The following MFAP3 variants were observed in gnomAD, a reference collection of about 807,000 sequenced individuals.
MFAP3 encodes microfibril associated protein 3.
Under a neutral mutation model 20.5 loss-of-function variants are expected in MFAP3, and 8 were observed. That is an observed-to-expected ratio of 0.39 (90% CI 0.23 to 0.70). The LOEUF (loss-of-function observed/expected upper bound fraction) is 0.70, where lower values mean the gene tolerates loss of function less well. MFAP3 is among the 30% of genes least tolerant of loss of function. MFAP3 has a pLI of 0.44. For synonymous variants in MFAP3, 140 were observed against 154.0 expected, an observed-to-expected ratio of 0.91 and a Z score of 0.67; for missense variants, 398 against 444.6, an observed-to-expected ratio of 0.90 and a Z score of 0.94.
intron 1 of MFAP3, among the ~76,000 whole-genome samples, chr5:154,045,013 CTT>C (rs1230996584): frequency 6.6e-6 from 1 of 151,564 alleles, no homozygotes; most frequent in Non-Finnish European, 1.5e-5. Flanking sequence ...ATGAGTCTCT[CTT>C]TGTCTTTCTC....
At chr5:154,046,442 T>C (rs1260529233) in intron 1 of MFAP3, among the ~76,000 whole-genome samples, 3 of 152,166 alleles carry the variant, frequency 2.0e-5, no homozygotes, top group Admixed American at 6.5e-5. Context: ...ATAAAAAATA[T>C]AGGCCTTGTT....
chr5:154,049,967 A>C lies in MFAP3; in HGVS notation c.245A>C (p.Asp82Ala). 2.5e-6 allele frequency: 4 copies of C among 1,613,276 alleles called. No homozygotes were observed. Among genetic ancestry groups the C allele is most frequent in the Non-Finnish European group, 3.4e-6 (4 of 1,179,314 alleles). ...CTTCTCACAGCCAGTCACTATGAAG[A>C]TGTCCATTGGCACAATTCAAAAGGA... Reference protein sequence around the residue: ...ECLLTASHYEDVHWHNSKGQQ... With the variant: ...ECLLTASHYEAVHWHNSKGQQ... The change falls in exon 2 of 3, where the codon GAT (aspartate) becomes GCT (alanine). Residue 82 changes from aspartate to alanine, a missense_variant. Transcript: ENST00000522782.
At position 154,055,372 on chromosome 5, in the gene MFAP3, C is replaced by G. The variant is rs1160766088; in HGVS notation, c.*1659C>G. On this transcript the variant is annotated 3_prime_UTR_variant, in exon 3 of 3. Transcript: ENST00000522782. ...TCTGCTCTGAATAGCATGAATGAATCAATGTGCAGTTTTATCAGATGGCAT... is the reference window on the plus strand; with the variant it reads ...TCTGCTCTGAATAGCATGAATGAATGAATGTGCAGTTTTATCAGATGGCAT... Among the ~76,000 whole-genome samples the G allele has an allele frequency of 6.6e-6, 1 of 152,154 alleles. No homozygotes were observed. The highest frequency in any genetic ancestry group is 1.5e-5 in the Non-Finnish European group (1 of 68,018).
In MFAP3 at chr5:154,054,687, C is replaced by T. The variant is rs1394395397; in HGVS notation, c.*974C>T. ...ATAGGTTCTATATTTGGGATCTCAT[C>T]CTAGGAGAAAACCCAAAACTGGATT... On this transcript the variant is annotated 3_prime_UTR_variant, in exon 3 of 3. Coordinates refer to ENST00000522782, the MANE Select transcript of MFAP3 (RefSeq NM_005927.5). 6.0e-6 allele frequency: 1 copy of T among 167,014 alleles called. No homozygotes were observed. The highest frequency in any genetic ancestry group is 1.9e-4 in the East Asian group (1 of 5,188). 10.3% of individuals were successfully genotyped at this position (167,014 alleles called of 1,614,324 possible).
rs1291579993 is a variant in MFAP3, at chr5:154,053,722, G to A, written c.*9G>A. ...AAAACTGTCAGCTGTAACCTACAAT[G>A]CTGTAACCCAGTACCTACAAAATCA... is the stretch of plus-strand genomic sequence containing the variant. On this transcript the variant is annotated 3_prime_UTR_variant, in exon 3 of 3. Transcript: ENST00000522782. 1 of 1,596,518 alleles carries A rather than the reference G, an allele frequency of 6.3e-7. No homozygotes were observed. The highest frequency in any genetic ancestry group is 1.1e-5 in the South Asian group (1 of 88,760).
intron 1 of MFAP3, among the ~76,000 whole-genome samples, chr5:154,044,807 A>G (rs1773038935): frequency 6.6e-6 from 1 of 152,186 alleles, no homozygotes; most frequent in Non-Finnish European, 1.5e-5. Context: ...GACACAGTTC[A>G]ATAACTTTTT....
At chr5:154,047,410 C>T (rs1773091320) in intron 1 of MFAP3, among the ~76,000 whole-genome samples, 1 of 152,174 alleles carries the variant, frequency 6.6e-6, no homozygotes, top group African/African-American at 2.4e-5. Flanking sequence ...AAATGTATCC[C>T]TCCGATCTCA....
chr5:154,055,477 A>C lies in MFAP3; in HGVS notation c.*1764A>C, dbSNP rs999302258. 4.6e-5 allele frequency among the ~76,000 whole-genome samples: 7 copies of C among 152,180 alleles called. No individual in the cohort carries two copies. The highest frequency in any genetic ancestry group is 8.8e-5 in the Non-Finnish European group (6 of 68,020). On this transcript the variant is annotated 3_prime_UTR_variant, in exon 3 of 3. Transcript: ENST00000522782. Reference sequence around the variant, plus strand: ...AACCTCTAGAGCCAAATAAAAGCTAACCAATCATTTAGCCAAAGCTTGCCT... The same window carrying C: ...AACCTCTAGAGCCAAATAAAAGCTACCCAATCATTTAGCCAAAGCTTGCCT...
At chr5:154,050,477 G>T (rs901451702) in intron 2 of MFAP3, among the ~76,000 whole-genome samples, 6 of 152,036 alleles carry the variant, frequency 3.9e-5, no homozygotes, top group African/African-American at 1.4e-4. Flanking sequence ...GTTTTGCTCT[G>T]AAATTAGTTA....
chr5:154,053,972 G>A lies in MFAP3; in HGVS notation c.*259G>A. The A allele has an allele frequency of 2.5e-6, 1 of 396,858 alleles. No individual in the cohort carries two copies. The highest frequency in any genetic ancestry group is 4.7e-6 in the Non-Finnish European group (1 of 211,244). 24.6% of individuals were successfully genotyped at this position (396,858 alleles called of 1,614,324 possible). The stretch of plus-strand genomic sequence containing the variant: ...AAAGGAGCCCCAGATAAACATGATG[G>A]GGAAAAGCACTGAACTAAGAGTCCC... On this transcript the variant is annotated 3_prime_UTR_variant, in exon 3 of 3. Coordinates refer to ENST00000522782, the MANE Select transcript of MFAP3 (RefSeq NM_005927.5).
At position 154,056,711 on chromosome 5, in the gene MFAP3, C is replaced by T. The variant is rs1190727122; in HGVS notation, c.*2998C>T. Among the ~76,000 whole-genome samples, 2 of 152,192 alleles carry T rather than the reference C, an allele frequency of 1.3e-5. No individual in the cohort carries two copies. The highest frequency in any genetic ancestry group is 2.9e-5 in the Non-Finnish European group (2 of 68,030). ...GAACATCTTTATGATTCCTTACCAG[C>T]TGAAGCCAGATAGACAGGTATTAAT... On this transcript the variant is annotated 3_prime_UTR_variant, in exon 3 of 3. Transcript: ENST00000522782.
At position 154,049,630 on chromosome 5, in the gene MFAP3, T is replaced by C; in HGVS notation, c.-93T>C. The C allele has an allele frequency of 7.8e-7, 1 of 1,283,566 alleles. No homozygotes were observed. Among genetic ancestry groups the C allele is most frequent in the Non-Finnish European group, 1.1e-6 (1 of 933,906 alleles). 79.5% of individuals were successfully genotyped at this position (1,283,566 alleles called of 1,614,324 possible). ...ATCTACCACTTGTTTGGAAAATTTC[T>C]CTACCAAGCAATAAATTACCCGCTG... On this transcript the variant is annotated 5_prime_UTR_variant, in exon 2 of 3. Coordinates refer to ENST00000522782, the MANE Select transcript of MFAP3 (RefSeq NM_005927.5).
chr5:154,048,365 G>T (rs1280092507), intron 1 of MFAP3, among the ~76,000 whole-genome samples: 1 of 152,074 alleles, frequency 6.6e-6, no homozygotes, highest in Non-Finnish European at 1.5e-5. Flanking sequence ...CCTTTCAAGG[G>T]TTAATTAATG....
intron 1 of MFAP3, among the ~76,000 whole-genome samples, chr5:154,047,916 TAAAG>T (rs1773102605): frequency 6.6e-6 from 1 of 152,154 alleles, no homozygotes; most frequent in Non-Finnish European, 1.5e-5. Flanking sequence ...TAATCTAGAA[TAAAG>T]TACAAAATTA....
Position 154,049,633 on chromosome 5 carries a change from A to G in MFAP3, c.-90A>G. On this transcript the variant is annotated 5_prime_UTR_variant, in exon 2 of 3. Transcript: ENST00000522782. ...TACCACTTGTTTGGAAAATTTCTCT[A>G]CCAAGCAATAAATTACCCGCTGTGC... 2 of 1,307,234 alleles carry G rather than the reference A, an allele frequency of 1.5e-6. No homozygotes were observed. Among genetic ancestry groups the G allele is most frequent in the Non-Finnish European group, 2.1e-6 (2 of 951,282 alleles). 81.0% of individuals were successfully genotyped at this position (1,307,234 alleles called of 1,614,324 possible).
intron 2 of MFAP3, 131 bp downstream of exon 2, chr5:154,050,148 G>A: frequency 2.1e-6 from 2 of 942,214 alleles, no homozygotes; most frequent in Non-Finnish European, 3.1e-6. Flanking sequence ...TGAAAGGTCT[G>A]GAGTGTTGTA....
At chr5:154,051,268 C>T (rs947750783) in intron 2 of MFAP3, among the ~76,000 whole-genome samples, 3 of 152,186 alleles carry the variant, frequency 2.0e-5, no homozygotes, top group Non-Finnish European at 2.9e-5. Flanking sequence ...CCTCTGAGAT[C>T]TGAATTATTC....
chr5:154,052,244 G>T (rs1380131897), intron 2 of MFAP3, among the ~76,000 whole-genome samples: 1 of 151,904 alleles, frequency 6.6e-6, no homozygotes, highest in African/African-American at 2.4e-5. Context: ...ACCATGACTT[G>T]TGAGATGTAT....
chr5:154,048,317 G>A (rs577466552), intron 1 of MFAP3, among the ~76,000 whole-genome samples: 2 of 152,212 alleles, frequency 1.3e-5, no homozygotes, highest in African/African-American at 4.8e-5. Flanking sequence ...TCCTTAAATT[G>A]TAAAGATTTA....
Sources: gnomAD v4.1 joint callset for allele counts (sites outside exome capture counted in the v4.1 genomes callset) on GRCh38, gnomAD v4.1.1 for gene constraint, MANE v1.5 for transcripts, NCBI Gene and HGNC (gene_info 2026-07-23, HGNC 2026-07-21) for gene names.